NRXN3: variants seen among roughly 807,000 people sequenced by gnomAD.
NRXN3 encodes the protein neurexin III.
Under a neutral mutation model 137.6 loss-of-function variants are expected in NRXN3, and 32 were observed. That is an observed-to-expected ratio of 0.23 (90% confidence interval 0.18 to 0.31). The LOEUF (loss-of-function observed/expected upper bound fraction) is 0.31. Ranked by LOEUF, NRXN3 falls within the 10% of genes least tolerant of loss-of-function variation. NRXN3 has a pLI of 1.00. For missense variants in NRXN3, 1,574 were observed against 2,062.5 expected, an observed-to-expected ratio of 0.76 and a Z score of 4.59; for synonymous variants, 798 against 784.5, an observed-to-expected ratio of 1.02 and a Z score of -0.29.
chr14:79,218,936 G>A (rs944168837), intron 15 of NRXN3, among the ~76,000 whole-genome samples: 20 of 152,072 alleles, frequency 1.3e-4, no homozygotes, highest in Admixed American at 6.6e-5. Context: ...GAGTGAAGGG[G>A]GAAACCTGGT....
intron 15 of NRXN3, among the ~76,000 whole-genome samples, chr14:79,454,616 T>C (rs935859326): frequency 1.3e-5 from 2 of 152,234 alleles, no homozygotes; most frequent in Admixed American, 6.5e-5. Context: ...TAAAACGATG[T>C]TGAATAATAT....
rs869170695 is a variant in NRXN3, at chr14:79,441,366, C to CTTTTTTTTTTTTTTT, written c.3263-25838_3263-25824dup. Among the ~76,000 whole-genome samples the CTTTTTTTTTTTTTTT allele has an allele frequency of 5.9e-5, 4 of 67,232 alleles. 1 individual carries two copies. The highest frequency in any genetic ancestry group is 1.7e-3 in the East Asian group (2 of 1,184). The allele number at this position is 67,232 out of a possible 152,430, so 44.1% of individuals were successfully genotyped here. On this transcript the variant is annotated intron_variant, in intron 15 of 20. Transcript: ENST00000335750. ...GAATATCCCTGGACAAACAGAAAATCTTTTTTTTTTTTTTTTTTTTTTTTT... is the reference window on the plus strand; with the variant it reads ...GAATATCCCTGGACAAACAGAAAATCTTTTTTTTTTTTTTTTTTTTTTTTTTTTTTTTTTTTTTTT...
chr14:78,235,067 A>G (rs1333322391), intron 1 of NRXN3, among the ~76,000 whole-genome samples: 1 of 88,446 alleles, frequency 1.1e-5, no homozygotes, highest in Admixed American at 1.2e-4. Context: ...TCTTTTTGTC[A>G]ATTTAATTTC....
At chr14:79,149,444 A>G (rs544137650) in intron 15 of NRXN3, among the ~76,000 whole-genome samples, 87 of 152,206 alleles carry the variant, frequency 5.7e-4, no homozygotes, top group African/African-American at 1.8e-3. Flanking sequence ...GATTGAAAGC[A>G]TAGGTGATTA....
intron 6 of NRXN3, among the ~76,000 whole-genome samples, chr14:78,670,214 T>G (rs2097921747): frequency 6.6e-6 from 1 of 152,210 alleles, no homozygotes; most frequent in African/African-American, 2.4e-5. Flanking sequence ...GGCCGCATAG[T>G]ATTCCATGGT....
chr14:79,698,800 G>A (rs1367185689), intron 19 of NRXN3, among the ~76,000 whole-genome samples: 3 of 151,962 alleles, frequency 2.0e-5, no homozygotes, highest in South Asian at 2.1e-4. Context: ...CAGTAGATTA[G>A]CACTTGTCCT....
chr14:79,657,877 C>G (rs1392330117), intron 16 of NRXN3, among the ~76,000 whole-genome samples: 2 of 152,130 alleles, frequency 1.3e-5, no homozygotes, highest in Non-Finnish European at 2.9e-5. Flanking sequence ...TCCTATAATA[C>G]TGAAATCATA....
rs538073405 is a variant in NRXN3 at position 78,717,970 on chromosome 14, T to C, written c.2044+2831T>C. Among the ~76,000 whole-genome samples the C allele has an allele frequency of 1.3e-3, 199 of 152,322 alleles. 3 individuals carry two copies. Among genetic ancestry groups the C allele is most frequent in the African/African-American group, 4.7e-3 (195 of 41,572 alleles). Reference sequence around the variant, plus strand: ...AGGGGATCCAAGCTTTCTTGGATTTTAGATTTCCTATTTCTAACTTTAGGC... The same window carrying C: ...AGGGGATCCAAGCTTTCTTGGATTTCAGATTTCCTATTTCTAACTTTAGGC... On this transcript the variant is annotated intron_variant, in intron 8 of 20. Transcript: ENST00000335750.
chr14:79,811,562 CTTTTCTT>C (rs1291402482), intron 20 of NRXN3, among the ~76,000 whole-genome samples: 70 of 143,660 alleles, frequency 4.9e-4, no homozygotes, highest in South Asian at 1.1e-3. Flanking sequence ...ATTTCACTTT[CTTTTCTT>C]TTTTCTTTTT....
At chr14:78,625,454 G>T (rs764364420) in intron 4 of NRXN3, among the ~76,000 whole-genome samples, 1 of 152,054 alleles carries the variant, frequency 6.6e-6, no homozygotes, top group African/African-American at 2.4e-5. Context: ...TTTTAATTTA[G>T]CTTGTGACTA....
At position 78,510,151 on chromosome 14, in the gene NRXN3, G is replaced by T. The variant is rs188865296; in HGVS notation, c.758-134969G>T. 4.0e-3 allele frequency among the ~76,000 whole-genome samples: 609 copies of T among 151,492 alleles called. 1 individual carries two copies. Among genetic ancestry groups the T allele is most frequent in the African/African-American group, 0.014 (582 of 41,140 alleles). ...TTGGGTTTGAATCAGGTTGAAGCAG[G>T]TTAAGTTCCCCATGCCTCAATTTTC... is the stretch of plus-strand genomic sequence containing the variant. On this transcript the variant is annotated intron_variant, in intron 4 of 20. Transcript: ENST00000335750.
chr14:79,565,340 T>TGTGTGTGTATATATATATACAC (rs1567521189), intron 16 of NRXN3, among the ~76,000 whole-genome samples: 4 of 124,980 alleles, frequency 3.2e-5, no homozygotes, highest in Non-Finnish European at 5.3e-5. Flanking sequence ...TATATATACA[T>TGTGTGTGTATATATATATACAC]ATGTGTGCGT....
Position 79,516,745 on chromosome 14 carries a change from A to G in NRXN3, c.3444+49343A>G, listed in dbSNP as rs560314215. ...ATTCTCATAGTCCCACCTACTAAAC[A>G]AATAACAACATACTGTATATATAAT... On this transcript the variant is annotated intron_variant, in intron 16 of 20. Transcript: ENST00000335750. 3.3e-5 allele frequency among the ~76,000 whole-genome samples: 5 copies of G among 152,304 alleles called. No homozygotes were observed. The South Asian group carries it at 8.3e-4, about 25-fold the overall frequency.
rs368635403 is a variant in NRXN3, at chr14:79,387,682, G to T, written c.3263-79539G>T. ...TATTTTATTGCAGCACTATTCACAA[G>T]AGCAAAGACTTGGAACCAAGCCAAA... On this transcript the variant is annotated intron_variant, in intron 15 of 20. Coordinates refer to ENST00000335750, the MANE Select transcript of NRXN3 (RefSeq NM_001330195.2). Among the ~76,000 whole-genome samples the T allele has an allele frequency of 2.8e-3, 417 of 151,526 alleles. 2 individuals are homozygous for T. Among genetic ancestry groups the T allele is most frequent in the African/African-American group, 9.1e-3 (377 of 41,258 alleles).
At chr14:79,501,549 T>C (rs1164544290) in intron 16 of NRXN3, among the ~76,000 whole-genome samples, 1 of 152,112 alleles carries the variant, frequency 6.6e-6, no homozygotes, top group Non-Finnish European at 1.5e-5. Context: ...CCACTGGAAG[T>C]CCTCCATCAC....
intron 15 of NRXN3, among the ~76,000 whole-genome samples, chr14:79,150,475 C>G (rs1406467542): frequency 6.6e-6 from 1 of 151,914 alleles, no homozygotes; most frequent in Admixed American, 6.6e-5. Context: ...CAGCTAATTT[C>G]TGTGCATGTT....
At chr14:79,719,251 A>ATG (rs4016617) in intron 19 of NRXN3, among the ~76,000 whole-genome samples, 22,273 of 148,864 alleles carry the variant, frequency 0.15, 1,703 homozygotes, top group Middle Eastern at 0.3. Context: ...ATAGACATAT[A>ATG]TGTGTGTGTG....
At position 78,847,783 on chromosome 14, in the gene NRXN3, G is replaced by A. The variant is rs570312536; in HGVS notation, c.2275+37439G>A. Among the ~76,000 whole-genome samples the A allele has an allele frequency of 3.9e-5, 6 of 152,212 alleles. 1 individual carries two copies. In the South Asian group the frequency reaches 1.2e-3, roughly 32 times the overall value. On this transcript the variant is annotated intron_variant, in intron 10 of 20. Coordinates refer to ENST00000335750, the MANE Select transcript of NRXN3 (RefSeq NM_001330195.2). The stretch of plus-strand genomic sequence containing the variant: ...TATAAACGTCAGTGGAAAGTGGTGA[G>A]AGTGCAACTACGTTTTGGAGAACCA...
intron 4 of NRXN3, among the ~76,000 whole-genome samples, chr14:78,564,388 A>G (rs772425424): frequency 5.1e-4 from 78 of 152,282 alleles, no homozygotes; most frequent in Non-Finnish European, 1.0e-3. Flanking sequence ...CTATTTAACT[A>G]TCTCTAGGTA....
Sources: allele counts gnomAD v4.1 joint callset (sites outside exome capture counted in the v4.1 genomes callset), GRCh38; gene constraint gnomAD v4.1.1; transcripts MANE v1.5; gene names NCBI Gene and HGNC (gene_info 2026-07-23, HGNC 2026-07-21).